The following NEGR1 variants were observed in gnomAD, a reference collection of about 807,000 sequenced individuals.
NEGR1 encodes neuronal growth regulator 1, also known as IgLON family member 4.
Under a neutral mutation model 40.9 loss-of-function variants are expected in NEGR1, and 10 were observed. That is an observed-to-expected ratio of 0.24 (90% confidence interval 0.15 to 0.42). The LOEUF is 0.42. NEGR1 is among the 10% of genes least tolerant of loss of function. NEGR1 has a pLI of 1.00. For missense variants in NEGR1, 352 were observed against 438.9 expected, an observed-to-expected ratio of 0.80 and a Z score of 1.77; for synonymous variants, 185 against 166.8, an observed-to-expected ratio of 1.11 and a Z score of -0.84.
At chr1:71,676,869 T>C (rs1047666441) in intron 4 of NEGR1, among the ~76,000 whole-genome samples, 1 of 152,196 alleles carries the variant, frequency 6.6e-6, no homozygotes, top group Non-Finnish European at 1.5e-5. Flanking sequence ...ATGATAAATG[T>C]CATGACTGGC....
intron 2 of NEGR1, among the ~76,000 whole-genome samples, chr1:71,792,550 A>G (rs749170347): frequency 1.3e-5 from 2 of 152,058 alleles, no homozygotes; most frequent in African/African-American, 2.4e-5. Context: ...CCTTTCCAAC[A>G]TATTGCAAAA....
chr1:72,264,398 AAT>A (rs905605386), intron 1 of NEGR1, among the ~76,000 whole-genome samples: 15 of 151,198 alleles, frequency 9.9e-5, no homozygotes, highest in Non-Finnish European at 1.5e-4. Flanking sequence ...ATATGAAAGA[AAT>A]ATGTTTAAAT....
At chr1:72,037,321 A>C (rs1646911986) in intron 1 of NEGR1, among the ~76,000 whole-genome samples, 1 of 152,154 alleles carries the variant, frequency 6.6e-6, no homozygotes, top group Admixed American at 6.5e-5. Context: ...TGCCTACTAT[A>C]TTCCTGGTAC....
At chr1:71,776,905 C>A (rs1428618767) in intron 2 of NEGR1, among the ~76,000 whole-genome samples, 1 of 152,054 alleles carries the variant, frequency 6.6e-6, no homozygotes, top group African/African-American at 2.4e-5. Flanking sequence ...GTTTTCTTAT[C>A]AATAATGACT....
intron 1 of NEGR1, among the ~76,000 whole-genome samples, chr1:72,059,702 A>G (rs1342670444): frequency 2.6e-5 from 4 of 151,650 alleles, no homozygotes; most frequent in Non-Finnish European, 5.9e-5. Context: ...TTGCTCTTAT[A>G]TTAGGCATAA....
intron 1 of NEGR1, among the ~76,000 whole-genome samples, chr1:71,939,312 T>C (rs1645938764): frequency 6.6e-6 from 1 of 152,184 alleles, no homozygotes; most frequent in African/African-American, 2.4e-5. Context: ...CTTGATTGAT[T>C]ATTGTCTGTC....
intron 1 of NEGR1, among the ~76,000 whole-genome samples, chr1:71,993,943 G>A (rs1053337757): frequency 2.6e-5 from 4 of 151,944 alleles, no homozygotes; most frequent in African/African-American, 9.7e-5. Context: ...AGGGCCCCAG[G>A]AATAACTGTT....
intron 4 of NEGR1, among the ~76,000 whole-genome samples, chr1:71,635,111 A>G (rs181170132): frequency 4.0e-4 from 61 of 152,248 alleles, no homozygotes; most frequent in Non-Finnish European, 7.4e-4. Flanking sequence ...CAGTTCAGAT[A>G]GATATCAAGG....
chr1:72,076,894 T>TA (rs1647765948), intron 1 of NEGR1, among the ~76,000 whole-genome samples: 1 of 145,032 alleles, frequency 6.9e-6, no homozygotes, highest in Admixed American at 6.8e-5. Flanking sequence ...TTTATCCTTT[T>TA]TTTTTTTTTT....
intron 1 of NEGR1, among the ~76,000 whole-genome samples, chr1:72,188,803 T>C (rs920178144): frequency 6.6e-6 from 1 of 151,544 alleles, no homozygotes; most frequent in East Asian, 1.9e-4. Flanking sequence ...ACAATTATTA[T>C]GATCTTATTT....
intron 2 of NEGR1, among the ~76,000 whole-genome samples, chr1:71,818,143 G>T (rs533197721): frequency 1.3e-5 from 2 of 151,966 alleles, no homozygotes; most frequent in African/African-American, 2.4e-5. Flanking sequence ...ATTCCTCAAA[G>T]AACTTAGAAT....
At chr1:71,413,719 G>A (rs552302216) in intron 6 of NEGR1, among the ~76,000 whole-genome samples, 2 of 152,234 alleles carry the variant, frequency 1.3e-5, no homozygotes, top group Non-Finnish European at 2.9e-5. Flanking sequence ...TGAAGCAAAA[G>A]TGTCCAAGCT....
intron 3 of NEGR1, among the ~76,000 whole-genome samples, chr1:71,706,843 C>A (rs946414750): frequency 6.6e-6 from 1 of 151,932 alleles, no homozygotes; most frequent in Admixed American, 6.6e-5. Flanking sequence ...TAACCAGCAA[C>A]GATACCCAGG....
At chr1:72,101,869 G>A (rs1233465530) in intron 1 of NEGR1, among the ~76,000 whole-genome samples, 1 of 152,024 alleles carries the variant, frequency 6.6e-6, no homozygotes, top group Non-Finnish European at 1.5e-5. Context: ...TTTTATAGCA[G>A]GTTTTCATTC....
At chr1:71,595,042 C>A (rs1195224102) in intron 5 of NEGR1, among the ~76,000 whole-genome samples, 2 of 152,218 alleles carry the variant, frequency 1.3e-5, no homozygotes, top group Non-Finnish European at 2.9e-5. Flanking sequence ...TGCTTATGTT[C>A]CTTATGGCTG....
intron 2 of NEGR1, among the ~76,000 whole-genome samples, chr1:71,804,765 ATTGT>A (rs1460889445): frequency 2.0e-5 from 3 of 152,164 alleles, no homozygotes; most frequent in African/African-American, 7.2e-5. Context: ...AACTGCACAA[ATTGT>A]TTGTAGAGCA....
At chr1:71,484,270 T>C (rs1422211169) in intron 6 of NEGR1, among the ~76,000 whole-genome samples, 2 of 151,668 alleles carry the variant, frequency 1.3e-5, no homozygotes, top group East Asian at 1.9e-4. Flanking sequence ...TCTGGTATGA[T>C]TGGAATATTA....
At chr1:72,276,657 TA>T (rs1325981814) in intron 1 of NEGR1, among the ~76,000 whole-genome samples, 2 of 152,180 alleles carry the variant, frequency 1.3e-5, no homozygotes, top group African/African-American at 4.8e-5. Flanking sequence ...TCTTATGGTT[TA>T]ACTTCTATGC....
intron 3 of NEGR1, among the ~76,000 whole-genome samples, chr1:71,729,990 A>G (rs1460299744): frequency 2.0e-5 from 3 of 152,108 alleles, no homozygotes; most frequent in African/African-American, 7.2e-5. Flanking sequence ...ATTGATAAAA[A>G]TTAATCAAAG....
Sources: allele counts gnomAD v4.1 joint callset (sites outside exome capture counted in the v4.1 genomes callset), GRCh38; gene constraint gnomAD v4.1.1; transcripts MANE v1.5; gene names NCBI Gene and HGNC (gene_info 2026-07-23, HGNC 2026-07-21).